NIPA2: variants seen among roughly 807,000 people sequenced by gnomAD.
NIPA2 encodes magnesium transporter NIPA2.
A neutral mutation model predicts 29.7 loss-of-function variants in NIPA2; 11 were observed. That is an observed-to-expected ratio of 0.37 (90% confidence interval 0.23 to 0.61). The LOEUF is 0.61. NIPA2 is among the 20% of genes least tolerant of loss of function. The pLI, the probability that NIPA2 is intolerant of heterozygous loss-of-function variation, is 0.66. For missense variants in NIPA2, 426 were observed against 437.9 expected (o/e 0.97, Z 0.24); for synonymous variants, 183 against 161.9 (o/e 1.13, Z -0.99).
intron 1 of NIPA2, chr15:22,839,260 G>C (rs1896355948): frequency 6.6e-6 from 1 of 152,164 alleles, no homozygotes; most frequent in South Asian, 2.1e-4. Flanking sequence ...GACGTTTTGA[G>C]CCTGACTGTT....
chr15:22,857,277 A>G (rs1444371073), intron 5 of NIPA2, among the ~76,000 whole-genome samples: 1 of 151,668 alleles, frequency 6.6e-6, no homozygotes, highest in Non-Finnish European at 1.5e-5. Context: ...CTAAAAATAC[A>G]AAAATCAGCC....
At chr15:22,853,123 A>G (rs777790359) in intron 4 of NIPA2, 89 bp from the exon 5 acceptor site, 13 of 846,746 alleles carry the variant, frequency 1.5e-5, no homozygotes, top group Non-Finnish European at 2.3e-5. Flanking sequence ...AGTAACTGAG[A>G]TATTTAAAAA....
chr15:22,844,833 T>TA (rs1244968778), intron 2 of NIPA2, among the ~76,000 whole-genome samples: 1 of 152,212 alleles, frequency 6.6e-6, no homozygotes, highest in Non-Finnish European at 1.5e-5. Context: ...TAAGACTCTT[T>TA]AAAAGTGTTT....
intron 7 of NIPA2, among the ~76,000 whole-genome samples, chr15:22,863,320 G>A (rs567158133): frequency 1.3e-5 from 2 of 152,168 alleles, no homozygotes; most frequent in South Asian, 4.1e-4. Flanking sequence ...CTGGGCTCAA[G>A]TGATCCACCT....
At chr15:22,848,825 C>CACA (rs2057483463) in intron 3 of NIPA2, among the ~76,000 whole-genome samples, 1 of 66,712 alleles carries the variant, frequency 1.5e-5, no homozygotes, top group Middle Eastern at 9.3e-3. Context: ...ACTCTTGTCT[C>CACA]AAAAAAAAAA....
intron 2 of NIPA2, among the ~76,000 whole-genome samples, chr15:22,844,561 A>T (rs1666475880): frequency 6.6e-6 from 1 of 152,136 alleles, no homozygotes; most frequent in African/African-American, 2.4e-5. Flanking sequence ...CTCAAAAAAA[A>T]AAAGAGTTTG....
At chr15:22,853,140 A>AT (rs1488180540) in intron 4 of NIPA2, 72 bp from the exon 5 acceptor site, 1 of 1,005,126 alleles carries the variant, frequency 9.9e-7, no homozygotes. Context: ...AAAATCTGTC[A>AT]TTACTAATAG....
chr15:22,844,177 T>G (rs1424019166), intron 2 of NIPA2, among the ~76,000 whole-genome samples: 3 of 152,228 alleles, frequency 2.0e-5, no homozygotes, highest in Non-Finnish European at 2.9e-5. Context: ...CATAATTTTC[T>G]TTTATTTGAG....
chr15:22,840,103 T>A (rs926544728), intron 2 of NIPA2, among the ~76,000 whole-genome samples: 6 of 151,852 alleles, frequency 4.0e-5, no homozygotes, highest in African/African-American at 1.5e-4. Context: ...GTATTTTTTT[T>A]AGAACCGGGG....
At chr15:22,852,281 AC>A (rs768170503) in intron 4 of NIPA2, among the ~76,000 whole-genome samples, 1 of 152,084 alleles carries the variant, frequency 6.6e-6, no homozygotes, top group Non-Finnish European at 1.5e-5. Flanking sequence ...AGCCTGGCAA[AC>A]ATGGTGAAAC....
intron 5 of NIPA2, among the ~76,000 whole-genome samples, chr15:22,856,709 G>T (rs1190158291): frequency 3.3e-5 from 5 of 152,152 alleles, no homozygotes; most frequent in African/African-American, 1.2e-4. Context: ...TTCCCTAAAA[G>T]ATTTCATAGG....
At chr15:22,842,155 C>T (rs1235984857) in intron 2 of NIPA2, among the ~76,000 whole-genome samples, 1 of 152,074 alleles carries the variant, frequency 6.6e-6, no homozygotes, top group Admixed American at 6.6e-5. Context: ...GCTGTTGTAC[C>T]CCTGCTCCTA....
Position 22,866,898 on chromosome 15 carries a change from T to TATCA in NIPA2, c.*52_*55dup. ...GTGATTGTTATGAAGTGAATTTGAATATCATCAGAATGTGTCTGAAAAAAC... is the reference window on the plus strand; with the variant it reads ...GTGATTGTTATGAAGTGAATTTGAATATCAATCATCAGAATGTGTCTGAAAAAAC... On this transcript the variant is annotated 3_prime_UTR_variant, in exon 8 of 8. Coordinates refer to ENST00000337451, the MANE Select transcript of NIPA2 (RefSeq NM_030922.7). The TATCA allele has an allele frequency of 1.4e-6, 2 of 1,459,374 alleles. No individual in the cohort carries two copies. Among genetic ancestry groups the TATCA allele is most frequent in the Non-Finnish European group, 1.8e-6 (2 of 1,082,852 alleles). 90.4% of individuals were successfully genotyped at this position (1,459,374 alleles called of 1,614,324 possible).
chr15:22,861,263 A>C (rs754554181), intron 7 of NIPA2, among the ~76,000 whole-genome samples: 1 of 152,222 alleles, frequency 6.6e-6, no homozygotes, highest in Non-Finnish European at 1.5e-5. Context: ...AGTAATTTCA[A>C]ACAAAGAGGT....
intron 2 of NIPA2, among the ~76,000 whole-genome samples, chr15:22,842,872 G>A (rs1897478293): frequency 2.7e-5 from 4 of 150,196 alleles, no homozygotes; most frequent in African/African-American, 9.8e-5. Flanking sequence ...GTGTAGTGGT[G>A]GGCGCCTGTA....
intron 7 of NIPA2, among the ~76,000 whole-genome samples, chr15:22,865,493 A>G (rs2058961379): frequency 6.6e-6 from 1 of 152,002 alleles, no homozygotes; most frequent in Non-Finnish European, 1.5e-5. Flanking sequence ...CTCAAAAAAA[A>G]AAAATCCTAT....
chr15:22,854,169 C>A (rs937189862), intron 5 of NIPA2, among the ~76,000 whole-genome samples: 1 of 150,336 alleles, frequency 6.7e-6, no homozygotes, highest in Non-Finnish European at 1.5e-5. Flanking sequence ...TGCTCTGTTG[C>A]CAGGCTGGAG....
rs946008655 is a variant in NIPA2 at position 22,838,896 on chromosome 15, G to C, written c.-377G>C. ...CCCAAGGCTGCGCCGGCGAGGGGAAGCCGCGCGGCCGGCCGGCCGACTAGG... is the reference window on the plus strand; with the variant it reads ...CCCAAGGCTGCGCCGGCGAGGGGAACCCGCGCGGCCGGCCGGCCGACTAGG... On this transcript the variant is annotated 5_prime_UTR_variant, in exon 1 of 8. Coordinates refer to ENST00000337451, the MANE Select transcript of NIPA2 (RefSeq NM_030922.7). The C allele has an allele frequency of 6.6e-6, 1 of 152,294 alleles. No homozygotes were observed. The highest frequency in any genetic ancestry group is 6.5e-5 in the Admixed American group (1 of 15,282). 9.4% of individuals were successfully genotyped at this position (152,294 alleles called of 1,614,324 possible). A position where few individuals can be genotyped will look rare whatever the true frequency, so the allele number is the denominator to read the frequency against.
chr15:22,856,827 T>C (rs2058212924), intron 5 of NIPA2, among the ~76,000 whole-genome samples: 1 of 152,188 alleles, frequency 6.6e-6, no homozygotes. Context: ...GGAGCTCTCA[T>C]ACGCTGCTAA....
Sources: gnomAD v4.1 joint callset for allele counts (sites outside exome capture counted in the v4.1 genomes callset) on GRCh38, gnomAD v4.1.1 for gene constraint, MANE v1.5 for transcripts, NCBI Gene and HGNC (gene_info 2026-07-23, HGNC 2026-07-21) for gene names.